Variants in SHISA9 observed in about 807,000 individuals in gnomAD.
SHISA9 encodes protein shisa-9.
In SHISA9, 13 loss-of-function variants were observed where a neutral mutation model predicts 38.0. That is an observed-to-expected ratio of 0.34 (90% CI 0.22 to 0.54). The LOEUF (loss-of-function observed/expected upper bound fraction) is 0.54, where lower values mean the gene tolerates loss of function less well. SHISA9 is among the 20% of genes least tolerant of loss of function. SHISA9 has a pLI of 0.91. For missense variants in SHISA9, 538 were observed against 575.8 expected (o/e 0.93, Z 0.67); for synonymous variants, 275 against 242.0 (o/e 1.14, Z -1.27).
At chr16:13,250,328 T>A in the SHISA9 span, among the ~76,000 whole-genome samples, 5 of 152,008 alleles carry the variant, frequency 3.3e-5, no homozygotes, top group East Asian at 7.7e-4. Flanking sequence ...CAGTCCTGAG[T>A]GGGCAGTCCT....
At position 13,210,571 on chromosome 16, in the gene SHISA9, C is replaced by T. The variant is rs555505736; in HGVS notation, c.848-2682C>T. On this transcript the variant is annotated intron_variant, in intron 3 of 4. Coordinates refer to ENST00000558583, the MANE Select transcript of SHISA9 (RefSeq NM_001145204.3). ...AATACACTTCAATATGGCAGGAATT[C>T]CCTCTTTACTCTTGGAATCATGAGT... Among the ~76,000 whole-genome samples, 34 of 152,266 alleles carry T rather than the reference C, an allele frequency of 2.2e-4. No homozygotes were observed. The South Asian group carries it at 5.0e-3, about 22-fold the overall frequency.
chr16:13,436,414 C>G, the SHISA9 span, among the ~76,000 whole-genome samples: 1 of 152,158 alleles, frequency 6.6e-6, no homozygotes, highest in African/African-American at 2.4e-5. Flanking sequence ...ATAAATTACC[C>G]CATATGGCCT....
In SHISA9 at chr16:12,902,217, C is replaced by G. The variant is rs568551769; in HGVS notation, c.153C>G (p.Ser51=). ...LAGGNRSGAA[S]GEASEGAEAS... ...GGGGCAACCGCTCCGGGGCCGCCTC[C>G]GGAGAGGCCAGCGAGGGCGCTGAGG... The change falls in exon 1 of 5, where the codon TCC becomes TCG. Residue 51 remains serine, a synonymous_variant. Transcript: ENST00000558583. The G allele has an allele frequency of 1.3e-6, 2 of 1,536,894 alleles. No individual in the cohort carries two copies. The highest frequency in any genetic ancestry group is 2.5e-5 in the East Asian group (1 of 40,776).
chr16:13,261,124 A>G, the SHISA9 span, among the ~76,000 whole-genome samples: 1 of 152,094 alleles, frequency 6.6e-6, no homozygotes, highest in Non-Finnish European at 1.5e-5. Flanking sequence ...GGGAGATGCA[A>G]TTCAAGTTGA....
intron 2 of SHISA9, among the ~76,000 whole-genome samples, chr16:13,091,840 G>A (rs868385161): frequency 1.3e-5 from 2 of 152,108 alleles, no homozygotes; most frequent in Non-Finnish European, 2.9e-5. Flanking sequence ...GCTTTGTTCC[G>A]TTGCTCGCTA....
chr16:13,203,426 T>C lies in SHISA9; in HGVS notation c.724T>C (p.Ser242Pro). 2 of 1,548,656 alleles carry C rather than the reference T, an allele frequency of 1.3e-6. No homozygotes were observed. The highest frequency in any genetic ancestry group is 2.5e-5 in the East Asian group (1 of 40,802). ...ATQMNNAVPT[S>P]PLLQQMGHPH... ...CCAGATGAACAACGCAGTGCCCACC[T>C]CTCCTCTGCTCCAGCAGATGGGCCA... Residue 242 changes from serine to proline, a missense_variant, in exon 3 of 5, where the codon TCT becomes CCT. This residue lies in a region of SHISA9 where 326 missense variants were observed against 305.9 expected (regional missense o/e 1.07). Coordinates refer to ENST00000558583, the MANE Select transcript of SHISA9 (RefSeq NM_001145204.3).
At chr16:13,409,390 G>C in the SHISA9 span, among the ~76,000 whole-genome samples, 3 of 152,242 alleles carry the variant, frequency 2.0e-5, no homozygotes, top group Admixed American at 6.5e-5. Flanking sequence ...GAAAGGTGGA[G>C]GGTCCACTGA....
chr16:13,017,367 C>G (rs963269253), intron 2 of SHISA9, among the ~76,000 whole-genome samples: 2 of 152,222 alleles, frequency 1.3e-5, no homozygotes, highest in South Asian at 4.2e-4. Flanking sequence ...ATGCATTTTC[C>G]CCAATTTATC....
chr16:12,925,991 G>T (rs916940143), intron 2 of SHISA9, among the ~76,000 whole-genome samples: 10 of 152,154 alleles, frequency 6.6e-5, no homozygotes, highest in African/African-American at 2.2e-4. Context: ...CTCCCAAAGT[G>T]CTGGGATTAC....
At chr16:13,303,806 C>T in the SHISA9 span, among the ~76,000 whole-genome samples, 10 of 152,138 alleles carry the variant, frequency 6.6e-5, no homozygotes, top group Non-Finnish European at 1.0e-4. Flanking sequence ...AATATGATTG[C>T]GTGAGAATGA....
At chr16:13,390,455 C>G in the SHISA9 span, among the ~76,000 whole-genome samples, 3 of 152,156 alleles carry the variant, frequency 2.0e-5, no homozygotes, top group Non-Finnish European at 2.9e-5. Context: ...CTTTGTCCCT[C>G]TGTGTTTCTA....
the SHISA9 span, among the ~76,000 whole-genome samples, chr16:13,476,062 C>T: frequency 3.2e-4 from 48 of 152,300 alleles, no homozygotes; most frequent in Non-Finnish European, 5.1e-4. Flanking sequence ...CGTCTGCAGC[C>T]TGAGGGTTGG....
chr16:13,290,528 C>A, the SHISA9 span, among the ~76,000 whole-genome samples: 1 of 152,104 alleles, frequency 6.6e-6, no homozygotes, highest in African/African-American at 2.4e-5. Context: ...ATGAGTTTGT[C>A]GTGTTTCCTG....
the SHISA9 span, among the ~76,000 whole-genome samples, chr16:13,501,685 C>T: frequency 2.0e-5 from 3 of 152,268 alleles, no homozygotes; most frequent in East Asian, 3.9e-4. Context: ...TGGTGCCCGG[C>T]ACATAAAAGA....
chr16:13,403,632 C>A, the SHISA9 span, among the ~76,000 whole-genome samples: 1 of 152,140 alleles, frequency 6.6e-6, no homozygotes, highest in African/African-American at 2.4e-5. Flanking sequence ...GAGGGTGCAG[C>A]AAAGAGTCAT....
chr16:13,146,138 C>T (rs941616965), intron 2 of SHISA9, among the ~76,000 whole-genome samples: 8 of 152,170 alleles, frequency 5.3e-5, no homozygotes, highest in South Asian at 2.1e-4. Flanking sequence ...TGCAGTGAGC[C>T]GAGATTGCAC....
chr16:13,425,756 G>A, the SHISA9 span, among the ~76,000 whole-genome samples: 1 of 152,186 alleles, frequency 6.6e-6, no homozygotes, highest in Admixed American at 6.5e-5. Context: ...CTGTTGTCCT[G>A]AACTTTGTCA....
At chr16:13,458,320 A>C in the SHISA9 span, 44 of 268,624 alleles carry the variant, frequency 1.6e-4, 1 homozygote, top group East Asian at 4.5e-3. Context: ...AATTATTGAG[A>C]CTCCACAGGA....
intron 2 of SHISA9, among the ~76,000 whole-genome samples, chr16:13,061,528 A>G (rs1321687076): frequency 1.8e-4 from 28 of 152,198 alleles, no homozygotes; most frequent in Admixed American, 1.8e-3. Flanking sequence ...GTATAAGGCC[A>G]CTTTGGAGAA....
Sources: gnomAD v4.1 joint callset for allele counts (sites outside exome capture counted in the v4.1 genomes callset) on GRCh38, gnomAD v4.1.1 for gene constraint, gnomAD v4.1.1 regional missense constraint, MANE v1.5 for transcripts, NCBI Gene and HGNC (gene_info 2026-07-23, HGNC 2026-07-21) for gene names.